ZFAT: variants seen among roughly 807,000 people sequenced by gnomAD.
ZFAT encodes zinc finger and AT-hook domain containing, also known as zinc finger protein ZFAT.
In ZFAT, 64 loss-of-function variants were observed where a neutral mutation model predicts 117.7. That is an observed-to-expected ratio of 0.54 (90% CI 0.44 to 0.67). The LOEUF (loss-of-function observed/expected upper bound fraction) is 0.67, where lower values mean the gene tolerates loss of function less well. Ranked by LOEUF, ZFAT falls within the 30% of genes least tolerant of loss-of-function variation. ZFAT has a pLI of 0.00. For synonymous variants in ZFAT, 679 were observed against 615.0 expected (o/e 1.10, Z -1.54); for missense variants, 1,433 against 1,584.5 (o/e 0.90, Z 1.62).
At chr8:134,784,957 T>C in the ZFAT span, 1 of 152,218 alleles carries the variant, frequency 6.6e-6, no homozygotes. Flanking sequence ...AAGCTTTAAG[T>C]GTTCTGACAA....
At chr8:134,633,568 A>T (rs1056509056) in intron 3 of ZFAT, among the ~76,000 whole-genome samples, 4 of 152,246 alleles carry the variant, frequency 2.6e-5, no homozygotes, top group Non-Finnish European at 5.9e-5. Context: ...TACAGCCTTT[A>T]AAAATGACAA....
At chr8:134,485,767 G>GGA (rs33984918) in intron 15 of ZFAT, among the ~76,000 whole-genome samples, 113,866 of 151,984 alleles carry the variant, frequency 0.75, 42,899 homozygotes, top group Non-Finnish European at 0.78. Context: ...CTCATTAAGA[G>GGA]GAGAGAGCTG....
At chr8:134,517,790 A>T (rs144043846) in intron 13 of ZFAT, among the ~76,000 whole-genome samples, 105 of 152,236 alleles carry the variant, frequency 6.9e-4, no homozygotes, top group Non-Finnish European at 1.3e-3. Flanking sequence ...GAGGTATTTG[A>T]CCACACCCAT....
chr8:134,531,707 C>T (rs1210488607), intron 12 of ZFAT, among the ~76,000 whole-genome samples: 1 of 152,234 alleles, frequency 6.6e-6, no homozygotes, highest in African/African-American at 2.4e-5. Context: ...AAAACGAAGG[C>T]ACATGCTCGC....
intron 11 of ZFAT, among the ~76,000 whole-genome samples, chr8:134,562,803 T>C (rs10283108): frequency 0.79 from 120,358 of 152,176 alleles, 47,948 homozygotes; most frequent in East Asian, 0.91. Context: ...AATCCATTTC[T>C]TCTGCACATA....
Position 134,602,426 on chromosome 8 carries a change from AG to A in ZFAT, c.1292del (p.Pro431LeufsTer98), listed in dbSNP as rs1827565063. On this transcript the variant is annotated frameshift_variant, in exon 6 of 16. Transcript: ENST00000377838. LOFTEE classifies it high-confidence loss of function. ...RHMLVHGDKW[P>X]FACELCGHGA... ...CATGGCCACAGAGCTCACAGGCAAA[AG>A]GCCACTTGTCTCCGTGGACCAGCAT... The A allele has an allele frequency of 6.2e-7, 1 of 1,613,846 alleles. No individual in the cohort carries two copies. Among genetic ancestry groups the A allele is most frequent in the African/African-American group, 1.3e-5 (1 of 74,944 alleles).
the ZFAT span, among the ~76,000 whole-genome samples, chr8:134,807,715 GAAA>G: frequency 8.0e-6 from 1 of 124,458 alleles, no homozygotes. Context: ...CAATTACATG[GAAA>G]AAAAAAAAAA....
chr8:134,603,628 T>C (rs1827678098), intron 5 of ZFAT, among the ~76,000 whole-genome samples: 1 of 152,182 alleles, frequency 6.6e-6, no homozygotes. Context: ...AGAGAACCAA[T>C]GTGTTTGATT....
intron 1 of ZFAT, among the ~76,000 whole-genome samples, chr8:134,704,217 T>A (rs1834088170): frequency 6.6e-6 from 1 of 152,192 alleles, no homozygotes; most frequent in Admixed American, 6.5e-5. Flanking sequence ...TCCAGGAACC[T>A]GGCTAGCCCT....
Position 134,601,767 on chromosome 8 carries a change from T to C in ZFAT, c.1952A>G (p.Gln651Arg). The stretch of plus-strand genomic sequence containing the variant: ...GTTCTGCCCTTCCCCTAGGGGGCTC[T>C]GGGCGCCATGGCTTTCCTGATCTGA... ...AGSDQESHGAQSPLGEGQNMA... is the reference protein window; with the variant it reads ...AGSDQESHGARSPLGEGQNMA... Residue 651 changes from glutamine (Q) to arginine (R), a missense_variant, in exon 6 of 16, where the codon CAG (glutamine) becomes CGG (arginine). By Grantham distance (43) the Gln-to-Arg change is conservative. Transcript: ENST00000377838. 2.5e-6 allele frequency: 4 copies of C among 1,613,854 alleles called. No individual in the cohort carries two copies. The highest frequency in any genetic ancestry group is 3.4e-6 in the Non-Finnish European group (4 of 1,179,906).
At chr8:134,824,884 T>C in the ZFAT span, among the ~76,000 whole-genome samples, 2 of 152,228 alleles carry the variant, frequency 1.3e-5, no homozygotes, top group South Asian at 2.1e-4. Flanking sequence ...AGTGTATTTA[T>C]GGACACAGAA....
chr8:134,809,709 C>A, the ZFAT span, among the ~76,000 whole-genome samples: 1 of 152,196 alleles, frequency 6.6e-6, no homozygotes, highest in South Asian at 2.1e-4. Context: ...TGTCGGTAAA[C>A]TGTCTGCATA....
the ZFAT span, among the ~76,000 whole-genome samples, chr8:134,815,730 C>G: frequency 4.6e-5 from 7 of 152,178 alleles, no homozygotes; most frequent in Non-Finnish European, 1.0e-4. Context: ...AACTTTTTCA[C>G]TCAGATCTTC....
At chr8:134,497,474 C>T (rs1030573712) in intron 15 of ZFAT, among the ~76,000 whole-genome samples, 3 of 140,052 alleles carry the variant, frequency 2.1e-5, no homozygotes, top group African/African-American at 8.2e-5. Context: ...TGGTTACACA[C>T]AGAGCCTGAT....
chr8:134,792,611 C>T, the ZFAT span: 1 of 152,154 alleles, frequency 6.6e-6, no homozygotes, highest in Non-Finnish European at 1.5e-5. Flanking sequence ...TTAACTGTAA[C>T]TCCAAGACAT....
the ZFAT span, chr8:134,765,214 T>C: frequency 3.9e-5 from 6 of 152,322 alleles, 1 homozygote; most frequent in Admixed American, 3.9e-4. Context: ...TTTTTAAAAG[T>C]AATAAATACT....
At chr8:134,585,741 C>T (rs1486415446) in intron 9 of ZFAT, among the ~76,000 whole-genome samples, 1 of 152,190 alleles carries the variant, frequency 6.6e-6, no homozygotes, top group Non-Finnish European at 1.5e-5. Context: ...CACAACATGG[C>T]ATTCACCCCA....
the ZFAT span, among the ~76,000 whole-genome samples, chr8:134,722,465 C>T: frequency 1.6e-4 from 24 of 152,348 alleles, no homozygotes; most frequent in Non-Finnish European, 3.2e-4. Flanking sequence ...CAAGCTCTCA[C>T]CTGGCCAGGC....
chr8:134,671,025 C>A (rs2131263518), intron 1 of ZFAT, among the ~76,000 whole-genome samples: 1 of 152,236 alleles, frequency 6.6e-6, no homozygotes, highest in South Asian at 2.1e-4. Context: ...AATTCCTGGA[C>A]ACATACACCC....
Sources: gnomAD v4.1 joint callset for allele counts (sites outside exome capture counted in the v4.1 genomes callset) on GRCh38, gnomAD v4.1.1 for gene constraint, MANE v1.5 for transcripts, NCBI Gene and HGNC (gene_info 2026-07-23, HGNC 2026-07-21) for gene names.